NRK: variants seen among roughly 807,000 people sequenced by gnomAD.
The protein encoded by NRK is nik-related protein kinase.
NRK carries 67 observed loss-of-function variants against 125.2 expected under a neutral mutation model. The ratio of observed to expected loss-of-function variants is 0.54; its 90% CI spans 0.44 to 0.66. The LOEUF is 0.66. NRK is among the 30% of genes least tolerant of loss of function. NRK has a pLI of 0.00. For synonymous variants in NRK, 458 were observed against 429.0 expected (o/e 1.07, Z -0.84); for missense variants, 1,224 against 1,192.9 (o/e 1.03, Z -0.38).
At chrX:105,949,262 C>T (rs2040859548) in intron 26 of NRK, among the ~76,000 whole-genome samples, 1 of 111,835 alleles carries the variant, frequency 8.9e-6, no homozygotes, top group Non-Finnish European at 1.9e-5. Context: ...AGTAGTGTTT[C>T]TTCTATTATG....
At chrX:105,948,636 G>A (rs1281209569) in intron 26 of NRK, 6 of 491,826 alleles carry the variant, frequency 1.2e-5, no homozygotes, top group African/African-American at 2.4e-5. Flanking sequence ...TGATTCAATT[G>A]CTCATGCAAG....
In NRK at chrX:105,934,301, G is replaced by C. The variant is rs368674115; in HGVS notation, c.3356G>C (p.Gly1119Ala). 2 of 1,190,460 alleles carry C rather than the reference G, an allele frequency of 1.7e-6. No individual in the cohort carries two copies. Among genetic ancestry groups the C allele is most frequent in the Non-Finnish European group, 2.3e-6 (2 of 883,651 alleles). ...GNEASNAIDS[G>A]AAPSAPDHES... Reference sequence around the variant, plus strand: ...GAGGCCTCAAATGCCATTGACTCAGGTGCTGCACCGTCAGCACCTGATCAT... The same window carrying C: ...GAGGCCTCAAATGCCATTGACTCAGCTGCTGCACCGTCAGCACCTGATCAT... Residue 1119 changes from glycine to alanine, a missense_variant, in exon 20 of 29, where the codon GGT (glycine) becomes GCT (alanine). Physicochemically the swap from Gly to Ala is moderately conservative, Grantham distance 60 (BLOSUM62 0). Transcript: ENST00000243300.
chrX:105,838,292 T>C (rs2039290290), intron 2 of NRK, among the ~76,000 whole-genome samples: 1 of 111,706 alleles, frequency 9.0e-6, no homozygotes, highest in Admixed American at 9.5e-5. Flanking sequence ...TAGTGAGACC[T>C]GATTTTTAGC....
chrX:105,837,346 A>G (rs1264223577), intron 2 of NRK, among the ~76,000 whole-genome samples: 2 of 111,736 alleles, frequency 1.8e-5, no homozygotes, highest in African/African-American at 6.5e-5. Context: ...GATACCATTC[A>G]AAATTAATGT....
chrX:105,908,680 C>A, intron 12 of NRK, 47 bp from the exon 13 acceptor site: 1 of 1,140,944 alleles, frequency 8.8e-7, no homozygotes, highest in Non-Finnish European at 1.2e-6. Flanking sequence ...GGCTCCATTC[C>A]ACTAAAAATT....
chrX:105,822,777 A>C lies in NRK; in HGVS notation c.-69A>C, dbSNP rs2039038357. On this transcript the variant is annotated 5_prime_UTR_variant, in exon 1 of 29. Coordinates refer to ENST00000243300, the MANE Select transcript of NRK (RefSeq NM_198465.4). ...TCCTCTCTCCTCCCTTCAACTCTTC[A>C]TCCGCTTCCACCTCAGACTCTGCGC... 2.0e-6 allele frequency: 2 copies of C among 1,002,643 alleles called. No homozygotes were observed. The highest frequency in any genetic ancestry group is 2.8e-6 in the Non-Finnish European group (2 of 724,141). 82.6% of individuals were successfully genotyped at this position (1,002,643 alleles called of 1,213,427 possible). A position where few individuals can be genotyped will look rare whatever the true frequency, so the allele number is the denominator to read the frequency against.
chrX:105,912,641 T>G lies in NRK; in HGVS notation c.2242-7T>G. On this transcript the variant is annotated splice_polypyrimidine_tract_variant and splice_region_variant and intron_variant, in intron 13 of 28. Transcript: ENST00000243300. Reference sequence around the variant, plus strand: ...TTAAAACAATTACTTTCCTTTTTGTTTCAAAGGACAAAGAAGATGAATCAT... The same window carrying G: ...TTAAAACAATTACTTTCCTTTTTGTGTCAAAGGACAAAGAAGATGAATCAT... The G allele has an allele frequency of 1.0e-6, 1 of 1,004,595 alleles. No individual in the cohort carries two copies. The highest frequency in any genetic ancestry group is 1.3e-6 in the Non-Finnish European group (1 of 749,607). 82.8% of individuals were successfully genotyped at this position (1,004,595 alleles called of 1,213,427 possible). A position where few individuals can be genotyped will look rare whatever the true frequency, so the allele number is the denominator to read the frequency against.
intron 23 of NRK, among the ~76,000 whole-genome samples, chrX:105,941,203 T>C (rs1339143216): frequency 9.0e-6 from 1 of 111,298 alleles, no homozygotes; most frequent in Non-Finnish European, 1.9e-5. Flanking sequence ...AAATCTGTGC[T>C]CTTTGTGAGG....
chrX:105,952,561 T>G (rs2040914003), intron 27 of NRK, among the ~76,000 whole-genome samples: 1 of 112,112 alleles, frequency 8.9e-6, no homozygotes, highest in Admixed American at 9.5e-5. Context: ...GTTGCTACAG[T>G]CATTATTTGA....
intron 22 of NRK, among the ~76,000 whole-genome samples, chrX:105,939,012 A>G (rs762873288): frequency 6.3e-5 from 7 of 111,497 alleles, no homozygotes; most frequent in Non-Finnish European, 1.3e-4. Context: ...GCATGAAAGT[A>G]ACTGCCCCAT....
Position 105,942,795 on chromosome X carries a change from T to A in NRK, c.3959-1146T>A, listed in dbSNP as rs190788590. Among the ~76,000 whole-genome samples, 735 of 106,531 alleles carry A rather than the reference T, an allele frequency of 6.9e-3. 3 individuals are homozygous for A. The highest frequency in any genetic ancestry group is 0.015 in the South Asian group (37 of 2,453). The allele number at this position is 106,531 out of a possible 115,157, so 92.5% of individuals were successfully genotyped here. The stretch of plus-strand genomic sequence containing the variant: ...CACCACACCCAGCTATTTTTTATAT[T>A]TTTTTTTTTAGTAGAGATGGGGTTT... On this transcript the variant is annotated intron_variant, in intron 23 of 28. Coordinates refer to ENST00000243300, the MANE Select transcript of NRK (RefSeq NM_198465.4).
chrX:105,859,776 T>C (rs983336199), intron 2 of NRK, among the ~76,000 whole-genome samples: 4 of 111,860 alleles, frequency 3.6e-5, no homozygotes, highest in African/African-American at 1.3e-4. Context: ...CACTACCTTA[T>C]GCAATGCCTC....
chrX:105,822,464 T>G, upstream of NRK: 2 of 235,232 alleles, frequency 8.5e-6, no homozygotes, highest in Non-Finnish European at 1.5e-5. Flanking sequence ...ACCAATCCCT[T>G]TCGAGCTGCT....
At chrX:105,916,581 A>G (rs1029390050) in intron 15 of NRK, among the ~76,000 whole-genome samples, 10 of 111,561 alleles carry the variant, frequency 9.0e-5, no homozygotes, top group Non-Finnish European at 1.9e-5. Context: ...TTCTTGCTTC[A>G]TTACTTTAAA....
intron 2 of NRK, among the ~76,000 whole-genome samples, chrX:105,833,164 A>G (rs1337672595): frequency 1.8e-5 from 2 of 112,158 alleles, no homozygotes; most frequent in East Asian, 5.6e-4. Context: ...AGGGAATGCT[A>G]GTATTCATGA....
At position 105,924,890 on chromosome X, in the gene NRK, T is replaced by C. The variant is rs779004301; in HGVS notation, c.3171T>C (p.Ser1057=). 4 of 1,208,571 alleles carry C rather than the reference T, an allele frequency of 3.3e-6. No individual in the cohort carries two copies. The East Asian group carries it at 8.9e-5, about 27-fold the overall frequency. The change falls in exon 19 of 29, where the codon AGT becomes AGC. Residue 1057 remains serine (S), a synonymous_variant. Coordinates refer to ENST00000243300, the MANE Select transcript of NRK (RefSeq NM_198465.4). ...ATATAGGCAGTGAAAGAAGAGGCAGTGAGGGTGATGGAGGTAAGGGAGTCG... is the reference window on the plus strand; with the variant it reads ...ATATAGGCAGTGAAAGAAGAGGCAGCGAGGGTGATGGAGGTAAGGGAGTCG... ...AANIGSERRG[S]EGDGGKGVVR... is the part of the protein sequence containing the mutation.
At chrX:105,859,226 G>A (rs1301737948) in intron 2 of NRK, among the ~76,000 whole-genome samples, 1 of 111,800 alleles carries the variant, frequency 8.9e-6, no homozygotes, top group Non-Finnish European at 1.9e-5. Context: ...AATTTGTTTA[G>A]TAATATTGAT....
chrX:105,822,514 T>A, upstream of NRK: 1 of 284,389 alleles, frequency 3.5e-6, no homozygotes, highest in Non-Finnish European at 6.2e-6. Flanking sequence ...CTCCCCACCC[T>A]GAAAGAGGCG....
At chrX:105,912,937 T>TTAAAA (rs1266533420) in intron 14 of NRK, among the ~76,000 whole-genome samples, 182 bp downstream of exon 14, 2 of 112,048 alleles carry the variant, frequency 1.8e-5, no homozygotes, top group Non-Finnish European at 3.8e-5. Flanking sequence ...TGAAAAACAT[T>TTAAAA]TAAAATATTA....
Sources: allele counts gnomAD v4.1 joint callset (sites outside exome capture counted in the v4.1 genomes callset), GRCh38; gene constraint gnomAD v4.1.1; transcripts MANE v1.5; gene names NCBI Gene and HGNC (gene_info 2026-07-23, HGNC 2026-07-21).